Variants in ABL1 observed in about 807,000 individuals in gnomAD.
The protein encoded by ABL1 is tyrosine-protein kinase ABL1.
ABL1 carries 11 observed loss-of-function variants against 94.7 expected under a neutral mutation model. The ratio of observed to expected loss-of-function variants is 0.12; its 90% CI spans 0.07 to 0.19. The LOEUF is 0.19. Ranked by LOEUF, ABL1 falls within the 10% of genes least tolerant of loss-of-function variation. The pLI, the probability that ABL1 is intolerant of heterozygous loss-of-function variation, is 1.00. For missense variants in ABL1, 1,082 were observed against 1,489.4 expected (o/e 0.73, Z 4.50); for synonymous variants, 656 against 622.4 (o/e 1.05, Z -0.80).
intron 1 of ABL1, among the ~76,000 whole-genome samples, chr9:130,811,911 CAAAAA>C (rs1203330162): frequency 3.2e-4 from 6 of 18,558 alleles, no homozygotes; most frequent in East Asian, 1.8e-3. Flanking sequence ...GACTCCGTCT[CAAAAA>C]AAAAAAAAAA....
chr9:130,797,112 T>A (rs903448619), intron 1 of ABL1, among the ~76,000 whole-genome samples: 13 of 150,908 alleles, frequency 8.6e-5, no homozygotes, highest in African/African-American at 3.2e-4. Context: ...GGCAAGCGCC[T>A]GTAATCCCAG....
intron 3 of ABL1, among the ~76,000 whole-genome samples, chr9:130,858,171 T>A: frequency 6.6e-6 from 1 of 151,554 alleles, no homozygotes; most frequent in African/African-American, 2.4e-5. Context: ...TTGGAACAGA[T>A]GCAGGCAGGC....
At chr9:130,812,519 C>T (rs1217196888) in intron 1 of ABL1, among the ~76,000 whole-genome samples, 1 of 151,942 alleles carries the variant, frequency 6.6e-6, no homozygotes, top group Non-Finnish European at 1.5e-5. Context: ...AATATGTTAA[C>T]ATTAATGAAA....
At chr9:130,762,279 G>A (rs1200267877) in intron 1 of ABL1, among the ~76,000 whole-genome samples, 1 of 152,062 alleles carries the variant, frequency 6.6e-6, no homozygotes, top group Non-Finnish European at 1.5e-5. Flanking sequence ...TCTGAAGGAG[G>A]GTTCATAGTA....
intron 1 of ABL1, among the ~76,000 whole-genome samples, chr9:130,770,176 TCTCTCTCTC>T (rs1348443228): frequency 6.0e-5 from 9 of 149,108 alleles, no homozygotes; most frequent in Non-Finnish European, 1.2e-4. Flanking sequence ...TCTCTGTCTC[TCTCTCTCTC>T]TTTTTTTTTT....
intron 1 of ABL1, among the ~76,000 whole-genome samples, chr9:130,776,849 C>T (rs1429656180): frequency 6.6e-6 from 1 of 152,152 alleles, no homozygotes; most frequent in African/African-American, 2.4e-5. Flanking sequence ...GTCGCGGCCT[C>T]CCAGAGCGCT....
intron 1 of ABL1, among the ~76,000 whole-genome samples, chr9:130,736,483 ATTGTT>A (rs767468976): frequency 4.6e-5 from 7 of 151,956 alleles, no homozygotes; most frequent in African/African-American, 9.7e-5. Context: ...GAGGTTGAAC[ATTGTT>A]TTGTTTTGTT....
intron 1 of ABL1, among the ~76,000 whole-genome samples, chr9:130,838,055 T>C (rs2132921480): frequency 6.6e-6 from 1 of 152,390 alleles, no homozygotes; most frequent in Admixed American, 6.5e-5. Context: ...AAATGCTTAC[T>C]ATGTGCCAAA....
intron 1 of ABL1, among the ~76,000 whole-genome samples, chr9:130,852,265 C>T (rs1830879497): frequency 6.6e-6 from 1 of 152,146 alleles, no homozygotes; most frequent in Non-Finnish European, 1.5e-5. Context: ...TCTCAGCTCA[C>T]TGCAACCTCC....
chr9:130,874,406 G>GA lies in ABL1; in HGVS notation c.1086-461dup, dbSNP rs377394343. Among the ~76,000 whole-genome samples, 540 of 152,324 alleles carry GA rather than the reference G, an allele frequency of 3.5e-3. 3 individuals are homozygous for GA. Among genetic ancestry groups the GA allele is most frequent in the African/African-American group, 0.012 (518 of 41,560 alleles). On this transcript the variant is annotated intron_variant, in intron 6 of 10. Coordinates refer to ENST00000318560, the MANE Select transcript of ABL1 (RefSeq NM_005157.6). ...ATCAAGTCTGAATAGGACAAGTGGA[G>GA]ATGCACTCTGATAGAAGTTTCTTGC...
At position 130,807,832 on chromosome 9, in the gene ABL1, GGAT is replaced by G. The variant is rs561744721; in HGVS notation, c.137-46231_137-46229del. On this transcript the variant is annotated intron_variant, in intron 1 of 10. Transcript: ENST00000372348. ...CCTGCCTCAGCCTCCCGAGTAGCTG[GGAT>G]CACAGGCACCCGCCACCATGCCCGG... Among the ~76,000 whole-genome samples, 177 of 150,294 alleles carry G rather than the reference GGAT, an allele frequency of 1.2e-3. 1 individual carries two copies. The highest frequency in any genetic ancestry group is 4.1e-3 in the African/African-American group (167 of 41,082).
At chr9:130,767,339 A>T (rs143296922) in intron 1 of ABL1, among the ~76,000 whole-genome samples, 4 of 152,168 alleles carry the variant, frequency 2.6e-5, no homozygotes, top group Non-Finnish European at 5.9e-5. Context: ...GGAGAGTCTG[A>T]CTTCTTGTTT....
intron 1 of ABL1, among the ~76,000 whole-genome samples, chr9:130,817,853 T>C (rs1227399064): frequency 6.6e-6 from 1 of 152,176 alleles, no homozygotes; most frequent in African/African-American, 2.4e-5. Context: ...CTGAAGGATA[T>C]TTGAGTTGTT....
chr9:130,794,719 A>T (rs1246550997), intron 1 of ABL1, among the ~76,000 whole-genome samples: 1 of 152,192 alleles, frequency 6.6e-6, no homozygotes, highest in Non-Finnish European at 1.5e-5. Context: ...GGCCCAGATT[A>T]TGTTACCCCG....
chr9:130,818,286 A>G (rs1196846330), intron 1 of ABL1, among the ~76,000 whole-genome samples: 1 of 152,176 alleles, frequency 6.6e-6, no homozygotes, highest in African/African-American at 2.4e-5. Context: ...CTTGGCCAAC[A>G]TGGCGAAACC....
intron 1 of ABL1, among the ~76,000 whole-genome samples, chr9:130,806,785 T>C (rs1376929495): frequency 6.6e-6 from 1 of 152,242 alleles, no homozygotes; most frequent in Non-Finnish European, 1.5e-5. Context: ...ACACCTTTAT[T>C]TTTTTAACAT....
intron 1 of ABL1, chr9:130,724,746 TTAA>T: frequency 2.6e-5 from 10 of 383,382 alleles, no homozygotes; most frequent in South Asian, 3.8e-5. Flanking sequence ...AACCCTGTCT[TTAA>T]AAAAAAAAAA....
chr9:130,808,624 CGCAT>C (rs2132847057), intron 1 of ABL1, among the ~76,000 whole-genome samples: 1 of 152,242 alleles, frequency 6.6e-6, no homozygotes, highest in Admixed American at 6.5e-5. Context: ...AGACTTGCCT[CGCAT>C]TCATCTTTTA....
chr9:130,875,137 TCTTC>T, intron 7 of ABL1, 85 bp downstream of exon 7: 1 of 1,412,770 alleles, frequency 7.1e-7, no homozygotes, highest in Non-Finnish European at 9.6e-7. Flanking sequence ...CCCTTTCTTT[TCTTC>T]CTTTCTTTTT....
Sources: gnomAD v4.1 joint callset for allele counts (sites outside exome capture counted in the v4.1 genomes callset) on GRCh38, gnomAD v4.1.1 for gene constraint, MANE v1.5 for transcripts, NCBI Gene and HGNC (gene_info 2026-07-23, HGNC 2026-07-21) for gene names.